The following MTMR9 variants were observed in gnomAD, a reference collection of about 807,000 sequenced individuals.
MTMR9 encodes myotubularin-related protein 9.
A neutral mutation model predicts 69.5 loss-of-function variants in MTMR9; 39 were observed. That is an observed-to-expected ratio of 0.56 (90% CI 0.43 to 0.73). The LOEUF (loss-of-function observed/expected upper bound fraction) is 0.73, where lower values mean the gene tolerates loss of function less well. Ranked by LOEUF, MTMR9 falls within the 30% of genes least tolerant of loss-of-function variation. The pLI, the probability that MTMR9 is intolerant of heterozygous loss-of-function variation, is 0.00. For missense variants in MTMR9, 900 were observed against 671.2 expected (o/e 1.34, Z -3.77); for synonymous variants, 354 against 240.8 (o/e 1.47, Z -4.35).
intron 6 of MTMR9, among the ~76,000 whole-genome samples, chr8:11,312,636 T>G (rs765116640): frequency 6.6e-6 from 1 of 152,244 alleles, no homozygotes; most frequent in Non-Finnish European, 1.5e-5. Context: ...TCCAAAATCT[T>G]TTTAATGTTG....
rs1323694480 is a variant in MTMR9, at chr8:11,315,077, G to A, written c.1113+13G>A. On this transcript the variant is annotated intron_variant, in intron 7 of 9. Coordinates refer to ENST00000221086, the MANE Select transcript of MTMR9 (RefSeq NM_015458.4). ...AGAGTGGCTGCAGGTGAGAAGAGCT[G>A]TTTGATTCACAGAGGAACTGCTTAT... The A allele has an allele frequency of 5.6e-6, 9 of 1,609,626 alleles. No individual in the cohort carries two copies. Among genetic ancestry groups the A allele is most frequent in the African/African-American group, 1.3e-5 (1 of 74,842 alleles).
downstream of MTMR9, among the ~76,000 whole-genome samples, chr8:11,330,188 G>A (rs1165565505): frequency 6.6e-6 from 1 of 151,680 alleles, no homozygotes; most frequent in African/African-American, 2.4e-5. Flanking sequence ...CGCCCCGTCC[G>A]GGAGGGAGGT....
intron 9 of MTMR9, chr8:11,321,113 A>G (rs1375975740): frequency 1.2e-5 from 2 of 169,310 alleles, no homozygotes; most frequent in Non-Finnish European, 1.3e-5. Flanking sequence ...CTCTTGGCTT[A>G]TCTGCCATTA....
chr8:11,304,900 A>G lies in MTMR9; in HGVS notation c.477A>G (p.Pro159=), dbSNP rs577252734. ...NKEFAVCPSY[P]PIVTVPKSID... ...AATTTGCTGTCTGTCCCTCTTACCCACCAATTGTCACAGTGCCCAAATCCA... is the reference window on the plus strand; with the variant it reads ...AATTTGCTGTCTGTCCCTCTTACCCGCCAATTGTCACAGTGCCCAAATCCA... Residue 159 remains proline (P), a synonymous_variant, in exon 4 of 10, where the codon CCA becomes CCG. Coordinates refer to ENST00000221086, the MANE Select transcript of MTMR9 (RefSeq NM_015458.4). 3 of 1,614,016 alleles carry G rather than the reference A, an allele frequency of 1.9e-6. No individual in the cohort carries two copies. In the Admixed American group the frequency reaches 5.0e-5, roughly 27 times the overall value.
intron 1 of MTMR9, among the ~76,000 whole-genome samples, chr8:11,291,974 A>G (rs184260493): frequency 2.9e-3 from 439 of 152,220 alleles, no homozygotes; most frequent in African/African-American, 0.01. Flanking sequence ...ACACCCTGAA[A>G]CTGTCACCAT....
chr8:11,304,194 A>G (rs1174737122), intron 3 of MTMR9, among the ~76,000 whole-genome samples: 2 of 152,194 alleles, frequency 1.3e-5, no homozygotes, highest in Non-Finnish European at 2.9e-5. Context: ...TTGACTCCTA[A>G]GCTTAACCTT....
intron 1 of MTMR9, among the ~76,000 whole-genome samples, chr8:11,294,312 T>G (rs1267446105): frequency 6.6e-6 from 1 of 152,142 alleles, no homozygotes; most frequent in African/African-American, 2.4e-5. Flanking sequence ...TTCATGATTT[T>G]AGAGAGAAAT....
chr8:11,336,612 T>C, the MTMR9 span, among the ~76,000 whole-genome samples: 2 of 152,248 alleles, frequency 1.3e-5, no homozygotes, highest in African/African-American at 4.8e-5. Context: ...AAGTACTTTT[T>C]TGGCCATCTC....
At chr8:11,300,945 A>T (rs1008090798) in intron 3 of MTMR9, among the ~76,000 whole-genome samples, 1 of 152,204 alleles carries the variant, frequency 6.6e-6, no homozygotes, top group African/African-American at 2.4e-5. Context: ...TTTGCAGGTC[A>T]TGTGGTCTCT....
chr8:11,336,490 T>C, the MTMR9 span, among the ~76,000 whole-genome samples: 1 of 152,234 alleles, frequency 6.6e-6, no homozygotes, highest in Non-Finnish European at 1.5e-5. Context: ...CTGAAAGGTG[T>C]ATTTAAAATA....
chr8:11,326,023 A>G lies in MTMR9; in HGVS notation c.*3235A>G, dbSNP rs935528549. ...GGGATTTTATTGCTTTTTGTTTTAA[A>G]GGATGAAATTTTGTGGGGTTTTAGT... On this transcript the variant is annotated 3_prime_UTR_variant, in exon 10 of 10. Transcript: ENST00000221086. 3.3e-5 allele frequency: 5 copies of G among 152,236 alleles called. No individual in the cohort carries two copies. The highest frequency in any genetic ancestry group is 1.2e-4 in the African/African-American group (5 of 41,466). 9.4% of individuals were successfully genotyped at this position (152,236 alleles called of 1,614,324 possible).
At chr8:11,286,690 A>C (rs200170336) in intron 1 of MTMR9, among the ~76,000 whole-genome samples, 2 of 106,864 alleles carry the variant, frequency 1.9e-5, no homozygotes, top group African/African-American at 7.2e-5. Context: ...AAAAAAAAAA[A>C]AGTCTTCAGT....
At chr8:11,316,604 G>T in intron 7 of MTMR9, 69 bp from the exon 8 acceptor site, 2 of 953,962 alleles carry the variant, frequency 2.1e-6, no homozygotes, top group Non-Finnish European at 3.1e-6. Flanking sequence ...GTGTATAGTG[G>T]TGTCGGTAGA....
intron 5 of MTMR9, among the ~76,000 whole-genome samples, chr8:11,307,850 C>T (rs1051047891): frequency 1.3e-5 from 2 of 151,714 alleles, no homozygotes; most frequent in Non-Finnish European, 2.9e-5. Context: ...TATATGTCTT[C>T]TTTTGAGAAA....
chr8:11,335,944 G>A, the MTMR9 span, among the ~76,000 whole-genome samples: 2 of 152,170 alleles, frequency 1.3e-5, no homozygotes, highest in Non-Finnish European at 2.9e-5. Flanking sequence ...CGTGAAGTTG[G>A]GGGGAGGACA....
At chr8:11,321,087 C>G (rs1211538588) in intron 9 of MTMR9, 1 of 166,884 alleles carries the variant, frequency 6.0e-6, no homozygotes, top group East Asian at 1.6e-4. Context: ...TGGATGTCAG[C>G]TGTCACATCT....
chr8:11,321,344 T>G (rs1585136993), intron 9 of MTMR9: 2 of 453,412 alleles, frequency 4.4e-6, no homozygotes, highest in East Asian at 1.4e-4. Flanking sequence ...AAACGAGAGG[T>G]TACAGTATTC....
At chr8:11,315,158 G>A in intron 7 of MTMR9, 94 bp downstream of exon 7, 1 of 1,460,788 alleles carries the variant, frequency 6.8e-7, no homozygotes, top group Non-Finnish European at 9.4e-7. Flanking sequence ...AATTTCGATT[G>A]ATTAAAATTT....
the MTMR9 span, among the ~76,000 whole-genome samples, chr8:11,337,307 A>T: frequency 1.3e-5 from 2 of 152,234 alleles, no homozygotes; most frequent in African/African-American, 4.8e-5. Context: ...AAATCCAAAA[A>T]GGGTCATGAT....
Sources: allele counts gnomAD v4.1 joint callset (sites outside exome capture counted in the v4.1 genomes callset), GRCh38; gene constraint gnomAD v4.1.1; transcripts MANE v1.5; gene names NCBI Gene and HGNC (gene_info 2026-07-23, HGNC 2026-07-21).